The following TENM3 variants were observed in gnomAD, a reference collection of about 807,000 sequenced individuals.
TENM3 encodes the protein teneurin-3.
Under a neutral mutation model 255.1 loss-of-function variants are expected in TENM3, and 63 were observed. The observed-to-expected ratio is 0.25, with a 90% CI of 0.20 to 0.30. The LOEUF (loss-of-function observed/expected upper bound fraction) is 0.30, where lower values mean the gene tolerates loss of function less well. Ranked by LOEUF, TENM3 falls within the 10% of genes least tolerant of loss-of-function variation. The pLI is 1.00. For synonymous variants in TENM3, 1,306 were observed against 1,322.3 expected (o/e 0.99, Z 0.27); for missense variants, 2,929 against 3,461.1 (o/e 0.85, Z 3.86).
At chr4:181,867,147 G>T in the TENM3 span, among the ~76,000 whole-genome samples, 4 of 152,208 alleles carry the variant, frequency 2.6e-5, no homozygotes, top group South Asian at 4.1e-4. Flanking sequence ...TTTCACCGTG[G>T]AATTTCTAGC....
chr4:182,765,283 A>G (rs1306565309), intron 22 of TENM3, among the ~76,000 whole-genome samples: 2 of 152,196 alleles, frequency 1.3e-5, no homozygotes, highest in Non-Finnish European at 1.5e-5. Flanking sequence ...AAGAAGGTGC[A>G]AATATGTGAG....
chr4:181,845,529 A>G, the TENM3 span, among the ~76,000 whole-genome samples: 29 of 152,348 alleles, frequency 1.9e-4, no homozygotes, highest in East Asian at 5.0e-3. Flanking sequence ...ACACACATAC[A>G]TACAACCTTA....
In TENM3 at chr4:182,200,796, G is replaced by A. The variant is rs183123549; in HGVS notation, c.-76+56042G>A. Among the ~76,000 whole-genome samples, 5 of 151,042 alleles carry A rather than the reference G, an allele frequency of 3.3e-5. No individual in the cohort carries two copies. In the East Asian group the frequency reaches 9.7e-4, roughly 29 times the overall value. On this transcript the variant is annotated intron_variant, in intron 1 of 2. Transcript: ENST00000512480. ...CGTTCATACAAACAGAACCAGCCAAGGGGAAGAATAACTTTAGAAACTAGA... is the reference window on the plus strand; with the variant it reads ...CGTTCATACAAACAGAACCAGCCAAAGGGAAGAATAACTTTAGAAACTAGA...
intron 19 of TENM3, among the ~76,000 whole-genome samples, chr4:182,751,478 A>G (rs1018923210): frequency 3.3e-5 from 5 of 152,224 alleles, no homozygotes; most frequent in Non-Finnish European, 5.9e-5. Context: ...CATTGAGCAC[A>G]AAAGATTTAG....
chr4:181,554,701 A>G, the TENM3 span, among the ~76,000 whole-genome samples: 1 of 152,328 alleles, frequency 6.6e-6, no homozygotes, highest in East Asian at 1.9e-4. Flanking sequence ...AGAATGTTTG[A>G]TGCAAAATAA....
chr4:181,760,459 G>C, the TENM3 span, among the ~76,000 whole-genome samples: 112 of 152,212 alleles, frequency 7.4e-4, no homozygotes, highest in Middle Eastern at 3.4e-3. Context: ...GACCACGATT[G>C]TGTAATTTCC....
intron 1 of TENM3, among the ~76,000 whole-genome samples, chr4:182,247,398 T>C (rs1269875361): frequency 6.6e-6 from 1 of 152,110 alleles, no homozygotes; most frequent in Non-Finnish European, 1.5e-5. Flanking sequence ...GATGGTTCCA[T>C]AGAGTGGCCC....
chr4:182,346,792 T>C lies in TENM3; in HGVS notation c.374T>C (p.Val125Ala), dbSNP rs1051322350. Residue 125 changes from valine (V) to alanine (A), a missense_variant, in exon 3 of 28, where the codon GTG (valine) becomes GCG (alanine). Physicochemically the swap from Val to Ala is moderately conservative, Grantham distance 64. Coordinates refer to ENST00000511685, the MANE Select transcript of TENM3 (RefSeq NM_001080477.4). The stretch of plus-strand genomic sequence containing the variant: ...GATGCTGATACTGAAAATGAAGCAG[T>C]GATGTCCCCAGAGCATGCCATGAGA... ...GSDADTENEA[V>A]MSPEHAMRLW... is the part of the protein sequence containing the mutation. 6.2e-7 allele frequency: 1 copy of C among 1,613,566 alleles called. No individual in the cohort carries two copies. The highest frequency in any genetic ancestry group is 1.3e-5 in the African/African-American group (1 of 74,992).
the TENM3 span, among the ~76,000 whole-genome samples, chr4:181,889,172 G>A: frequency 5.3e-5 from 8 of 152,102 alleles, no homozygotes; most frequent in East Asian, 1.9e-4. Context: ...GGTGGGGCCC[G>A]GTGGGGGGGA....
the TENM3 span, among the ~76,000 whole-genome samples, chr4:181,725,797 G>A: frequency 1.3e-5 from 2 of 152,176 alleles, no homozygotes; most frequent in African/African-American, 4.8e-5. Context: ...GATGGCTTGT[G>A]ATTACTAAAG....
At chr4:181,547,342 G>T in the TENM3 span, among the ~76,000 whole-genome samples, 1 of 151,960 alleles carries the variant, frequency 6.6e-6, no homozygotes, top group South Asian at 2.1e-4. Context: ...AGAAAATAAA[G>T]AAGATGATCA....
At chr4:182,121,891 A>G in the TENM3 span, among the ~76,000 whole-genome samples, 2 of 152,238 alleles carry the variant, frequency 1.3e-5, no homozygotes, top group African/African-American at 4.8e-5. Flanking sequence ...GCTATTTGAT[A>G]GCATTTTACC....
the TENM3 span, among the ~76,000 whole-genome samples, chr4:181,506,288 C>T: frequency 6.6e-6 from 1 of 151,952 alleles, no homozygotes; most frequent in African/African-American, 2.4e-5. Flanking sequence ...ACAAATCATT[C>T]TTATTTCTTA....
the TENM3 span, among the ~76,000 whole-genome samples, chr4:181,531,648 T>C: frequency 6.6e-6 from 1 of 152,140 alleles, no homozygotes; most frequent in Non-Finnish European, 1.5e-5. Context: ...GCTTTCAGTA[T>C]AATGGAGAAG....
chr4:182,502,736 A>G (rs922190350), intron 3 of TENM3, among the ~76,000 whole-genome samples: 1 of 151,706 alleles, frequency 6.6e-6, no homozygotes, highest in Admixed American at 6.6e-5. Context: ...TGCATTATCC[A>G]TCTATTTTTG....
the TENM3 span, among the ~76,000 whole-genome samples, chr4:181,653,957 G>T: frequency 1.3e-5 from 2 of 151,610 alleles, no homozygotes; most frequent in Non-Finnish European, 1.5e-5. Flanking sequence ...TGGTACTGTG[G>T]TCTCAATGCC....
chr4:182,058,681 TAATA>T, the TENM3 span, among the ~76,000 whole-genome samples: 1 of 152,150 alleles, frequency 6.6e-6, no homozygotes, highest in Non-Finnish European at 1.5e-5. Flanking sequence ...ATAAAGAAAT[TAATA>T]AATCTCTAGG....
the TENM3 span, among the ~76,000 whole-genome samples, chr4:181,912,015 T>C: frequency 2.0e-5 from 3 of 152,222 alleles, no homozygotes; most frequent in African/African-American, 7.2e-5. Flanking sequence ...ACCTCAAGTG[T>C]ATTTTAGGAT....
At chr4:181,812,267 A>G in the TENM3 span, among the ~76,000 whole-genome samples, 214 of 152,330 alleles carry the variant, frequency 1.4e-3, 1 homozygote, top group Non-Finnish European at 2.5e-3. Context: ...AACACTAACT[A>G]AACTTTTTTC....
Sources: gnomAD v4.1 joint callset for allele counts (sites outside exome capture counted in the v4.1 genomes callset) on GRCh38, gnomAD v4.1.1 for gene constraint, MANE v1.5 for transcripts, NCBI Gene and HGNC (gene_info 2026-07-23, HGNC 2026-07-21) for gene names.